Variants in AHNAK2 observed in about 807,000 individuals in gnomAD.
AHNAK2 encodes protein AHNAK2.
In AHNAK2, 18 loss-of-function variants were observed where a neutral mutation model predicts 30.7. The observed-to-expected ratio is 0.59, with a 90% CI of 0.41 to 0.87. The LOEUF (loss-of-function observed/expected upper bound fraction) is 0.87. AHNAK2 is among the 40% of genes least tolerant of loss of function. The pLI, the probability that AHNAK2 is intolerant of heterozygous loss-of-function variation, is 0.00. For synonymous variants in AHNAK2, 3,590 were observed against 3,073.8 expected, an observed-to-expected ratio of 1.17 and a Z score of -5.56; for missense variants, 8,604 against 7,373.0, an observed-to-expected ratio of 1.17 and a Z score of -6.11.
Position 104,942,916 on chromosome 14 carries a change from T to G in AHNAK2, c.12535A>C (p.Thr4179Pro). ...LPSMQGDLKT[T>P]DLSIQSPSAD... ...GAAGGGGACTGAATGCTGAGGTCAG[T>G]GGTCTTGAGGTCCCCCTGCATGGAG... Residue 4179 changes from threonine (T) to proline (P), a missense_variant, in exon 7 of 7, where the codon ACT becomes CCT. By Grantham distance (38) the Thr-to-Pro change is conservative (BLOSUM62 -1). Coordinates refer to ENST00000333244, the MANE Select transcript of AHNAK2 (RefSeq NM_138420.4). The G allele has an allele frequency of 6.2e-7, 1 of 1,612,928 alleles. No homozygotes were observed. The highest frequency in any genetic ancestry group is 8.5e-7 in the Non-Finnish European group (1 of 1,179,514).
rs199591478 is a variant in AHNAK2 at position 104,944,800 on chromosome 14, C to T, written c.10651G>A (p.Gly3551Ser). The T allele has an allele frequency of 1.3e-5, 21 of 1,612,738 alleles. No homozygotes were observed. The highest frequency in any genetic ancestry group is 1.2e-4 in the Admixed American group (7 of 59,918). ...LLEGPVPEGA[G>S]LKGHLPKVEM... ...ACTTTGGGCAGGTGCCCTTTGAGGCCGGCTCCCTCGGGCACGGGGCCCTCC... is the reference window on the plus strand; with the variant it reads ...ACTTTGGGCAGGTGCCCTTTGAGGCTGGCTCCCTCGGGCACGGGGCCCTCC... The change falls in exon 7 of 7, where the codon GGC becomes AGC. Residue 3551 changes from glycine to serine, a missense_variant. Transcript: ENST00000333244.
At position 104,943,967 on chromosome 14, in the gene AHNAK2, C is replaced by T. The variant is rs1398520923; in HGVS notation, c.11484G>A (p.Val3828=). The change falls in exon 7 of 7, where the codon GTG becomes GTA. Residue 3828 remains valine, a synonymous_variant. Transcript: ENST00000333244. The part of the protein sequence containing the change: ...PGKSIEASVH[V]SAPKVEADVS... Reference sequence around the variant, plus strand: ...CATCGGCCTCCACCTTGGGTGCAGACACGTGCACCGAGGCCTCAATGGACT... The same window carrying T: ...CATCGGCCTCCACCTTGGGTGCAGATACGTGCACCGAGGCCTCAATGGACT... 15 of 1,612,820 alleles carry T rather than the reference C, an allele frequency of 9.3e-6. No individual in the cohort carries two copies. The highest frequency in any genetic ancestry group is 1.3e-5 in the African/African-American group (1 of 74,732).
In AHNAK2 at chr14:104,950,510, G is replaced by A. The variant is rs370540872; in HGVS notation, c.4941C>T (p.Ala1647=). ...GAQLEGDLSL[A]DKAVTAKDSK... is the part of the protein sequence containing the mutation. The stretch of plus-strand genomic sequence containing the variant: ...TGTCTTTGGCAGTCACCGCCTTGTC[G>A]GCCAGGGACAGGTCCCCCTCCAGCT... Residue 1647 remains alanine, a synonymous_variant, in exon 7 of 7, where the codon GCC becomes GCT. Coordinates refer to ENST00000333244, the MANE Select transcript of AHNAK2 (RefSeq NM_138420.4). The A allele has an allele frequency of 5.2e-5, 82 of 1,586,680 alleles. 8 individuals carry two copies. Among genetic ancestry groups the A allele is most frequent in the Admixed American group, 4.2e-4 (24 of 57,430 alleles).
rs540591657 is a variant in AHNAK2 at position 104,951,881 on chromosome 14, T to G, written c.3570A>C (p.Ala1190=). Residue 1190 remains alanine, a synonymous_variant, in exon 7 of 7, where the codon GCA becomes GCC. Coordinates refer to ENST00000333244, the MANE Select transcript of AHNAK2 (RefSeq NM_138420.4). The part of the protein sequence containing the change: ...KSIEASVDVS[A]PKVEADVSLP... Reference sequence around the variant, plus strand: ...GACTCACGTCGGCCTCCACTTTGGGTGCAGACACATCCACCGAGGCCTCGA... The same window carrying G: ...GACTCACGTCGGCCTCCACTTTGGGGGCAGACACATCCACCGAGGCCTCGA... 3.1e-6 allele frequency: 5 copies of G among 1,607,076 alleles called. No individual in the cohort carries two copies. Among genetic ancestry groups the G allele is most frequent in the Non-Finnish European group, 3.4e-6 (4 of 1,177,666 alleles).
chr14:104,956,293 G>A (rs1363333117), intron 4 of AHNAK2, among the ~76,000 whole-genome samples: 1 of 152,118 alleles, frequency 6.6e-6, no homozygotes, highest in Non-Finnish European at 1.5e-5. Flanking sequence ...CTGCCCCATT[G>A]CACGGAGGAG....
At chr14:104,955,334 G>A (rs1324655889) in intron 5 of AHNAK2, 149 bp downstream of exon 5, 15 of 1,325,678 alleles carry the variant, frequency 1.1e-5, no homozygotes, top group Non-Finnish European at 1.5e-5. Context: ...TAGATGCAGT[G>A]GGTGATCCCA....
intron 1 of AHNAK2, chr14:104,970,317 G>A (rs984883496): frequency 2.4e-5 from 16 of 656,712 alleles, no homozygotes; most frequent in Admixed American, 1.9e-4. Context: ...ACCCCTGCCC[G>A]TCTGTCAGCT....
Position 104,946,855 on chromosome 14 carries a change from G to T in AHNAK2, c.8596C>A (p.Pro2866Thr). ...LKTTDIRIQPPSAQLEVQAGQ... is the reference protein window; with the variant it reads ...LKTTDIRIQPTSAQLEVQAGQ... ...GCCTGGACCTCCAGTTGGGCGGAGG[G>T]GGGCTGAATGCGGATGTCAGTGGTC... Residue 2866 changes from proline to threonine, a missense_variant, in exon 7 of 7, where the codon CCC (proline) becomes ACC (threonine). Coordinates refer to ENST00000333244, the MANE Select transcript of AHNAK2 (RefSeq NM_138420.4). 2 of 1,612,652 alleles carry T rather than the reference G, an allele frequency of 1.2e-6. No homozygotes were observed. Among genetic ancestry groups the T allele is most frequent in the Non-Finnish European group, 1.7e-6 (2 of 1,179,716 alleles).
rs201010137 is a variant in AHNAK2 at position 104,949,991 on chromosome 14, G to A, written c.5460C>T (p.Asp1820=). ...TGAACTTGGGCATTTTGAACTTGCT[G>A]TCTTTGGCAGTCACATCCTTGTCGG... ...SLADKDVTAK[D]SKFKMPKFKM... The change falls in exon 7 of 7, where the codon GAC becomes GAT. Residue 1820 remains aspartate, a synonymous_variant. Coordinates refer to ENST00000333244, the MANE Select transcript of AHNAK2 (RefSeq NM_138420.4). 2.1e-4 allele frequency: 326 copies of A among 1,587,758 alleles called. 5 individuals carry two copies. In the African/African-American group the frequency reaches 3.6e-3, roughly 18 times the overall value.
In AHNAK2 at chr14:104,941,584, C is replaced by T. The variant is rs1292746521; in HGVS notation, c.13867G>A (p.Gly4623Arg). 1.9e-6 allele frequency: 3 copies of T among 1,613,310 alleles called. No individual in the cohort carries two copies. Among genetic ancestry groups the T allele is most frequent in the South Asian group, 2.2e-5 (2 of 91,086 alleles). The part of the protein sequence containing the change: ...DLSLAHEDVA[G>R]KDSKFQGPKL... Reference sequence around the variant, plus strand: ...GGTCCTTGAAACTTACTGTCTTTCCCAGCTACATCCTCGTGGGCCAGGGAC... The same window carrying T: ...GGTCCTTGAAACTTACTGTCTTTCCTAGCTACATCCTCGTGGGCCAGGGAC... The change falls in exon 7 of 7, where the codon GGG (glycine) becomes AGG (arginine). Residue 4623 changes from glycine (G) to arginine (R), a missense_variant. Coordinates refer to ENST00000333244, the MANE Select transcript of AHNAK2 (RefSeq NM_138420.4).
At chr14:104,968,995 C>T (rs1212133528) in intron 1 of AHNAK2, among the ~76,000 whole-genome samples, 1 of 152,212 alleles carries the variant, frequency 6.6e-6, no homozygotes, top group Non-Finnish European at 1.5e-5. Context: ...GGGCCTCACC[C>T]AGTCGTGGAA....
At position 104,950,266 on chromosome 14, in the gene AHNAK2, C is replaced by T. The variant is rs757613916; in HGVS notation, c.5185G>A (p.Gly1729Ser). The change falls in exon 7 of 7, where the codon GGC (glycine) becomes AGC (serine). Residue 1729 changes from glycine (G) to serine (S), a missense_variant. Coordinates refer to ENST00000333244, the MANE Select transcript of AHNAK2 (RefSeq NM_138420.4). Reference protein sequence around the residue: ...AGQVNVKLPEGPLPEGAGFKG... With the variant: ...AGQVNVKLPESPLPEGAGFKG... ...AAGCCGGCTCCCTCGGGAAGGGGGC[C>T]CTCCGGGAGTTTCACGTTCACTTGG... is the stretch of plus-strand genomic sequence containing the variant. 101 of 1,584,948 alleles carry T rather than the reference C, an allele frequency of 6.4e-5. 8 individuals are homozygous for T. Among genetic ancestry groups the T allele is most frequent in the Admixed American group, 2.4e-4 (14 of 57,248 alleles).
chr14:104,940,229 A>T lies in AHNAK2; in HGVS notation c.15222T>A (p.Gly5074=). 6.2e-7 allele frequency: 1 copy of T among 1,613,470 alleles called. No homozygotes were observed. The highest frequency in any genetic ancestry group is 8.5e-7 in the Non-Finnish European group (1 of 1,179,864). The stretch of plus-strand genomic sequence containing the variant: ...CACTTCCTGTGGCACTTGCTGTTGC[A>T]CCAAGTCCTCCCCTACCACCGTCAC... ...ASSDGGRGGL[G]ATASATGSEG... is the part of the protein sequence containing the mutation. The change falls in exon 7 of 7, where the codon GGT becomes GGA. Residue 5074 remains glycine (G), a synonymous_variant. Transcript: ENST00000333244. This position sits in a 1 kb window ranked among gnomAD's most constrained non-coding sequence, Gnocchi z 4.4.
Position 104,944,826 on chromosome 14 carries a change from A to G in AHNAK2, c.10625T>C (p.Leu3542Pro), listed in dbSNP as rs200217659. Reference protein sequence around the residue: ...VQAVQVDVELLEGPVPEGAGL... With the variant: ...VQAVQVDVELPEGPVPEGAGL... ...GGCTCCCTCGGGCACGGGGCCCTCC[A>G]GGAGTTCCACATCCACTTGGACAGC... Residue 3542 changes from leucine (L) to proline (P), a missense_variant, in exon 7 of 7, where the codon CTG becomes CCG. Leu to Pro is a moderately conservative substitution (Grantham distance 98). Transcript: ENST00000333244. The G allele has an allele frequency of 2.9e-4, 471 of 1,610,808 alleles. 7 individuals carry two copies. Among genetic ancestry groups the G allele is most frequent in the East Asian group, 2.8e-3 (126 of 44,558 alleles).
rs1047858612 is a variant in AHNAK2 at position 104,976,595 on chromosome 14, A to C, written c.55+1588T>G. On this transcript the variant is annotated intron_variant, in intron 1 of 6. Transcript: ENST00000333244. ...TCTGATCTTGCAAGTCTCCTACCAA[A>C]GCTCCAGCGAGAGCCACTGACCTTA... 2.0e-5 allele frequency among the ~76,000 whole-genome samples: 3 copies of C among 152,244 alleles called. 1 individual carries two copies. In the East Asian group the frequency reaches 5.8e-4, roughly 29 times the overall value.
In AHNAK2 at chr14:104,950,286, A is replaced by T. The variant is rs752913697; in HGVS notation, c.5165T>A (p.Val1722Glu). 1.7e-4 allele frequency: 270 copies of T among 1,584,616 alleles called. 35 individuals carry two copies. In the South Asian group the frequency reaches 2.4e-3, roughly 14 times the overall value. Residue 1722 changes from valine to glutamate, a missense_variant, in exon 7 of 7, where the codon GTG becomes GAG. Physicochemically the swap from Val to Glu is moderately radical, Grantham distance 121. Coordinates refer to ENST00000333244, the MANE Select transcript of AHNAK2 (RefSeq NM_138420.4). ...SADLEVQAGQ[V>E]NVKLPEGPLP... is the part of the protein sequence containing the mutation. ...GGGGCCCTCCGGGAGTTTCACGTTC[A>T]CTTGGCCAGCCTGGACCTCCAGGTC...
chr14:104,954,135 C>CCA lies in AHNAK2; in HGVS notation c.1315_1316insTG (p.Arg439MetfsTer9), dbSNP rs1167058895. On this transcript the variant is annotated frameshift_variant, in exon 7 of 7. Transcript: ENST00000333244. LOFTEE classifies it low-confidence loss of function (END_TRUNC). This position sits in a 1 kb window ranked among gnomAD's most constrained non-coding sequence, Gnocchi z 4.3. ...GCTCATTCCAGGAGTTGGCTGGGCCCTGGGCTTCCTCTGGGCCACTGCTGT... is the reference window on the plus strand; with the variant it reads ...GCTCATTCCAGGAGTTGGCTGGGCCCCATGGGCTTCCTCTGGGCCACTGCTGT... 6.2e-7 allele frequency: 1 copy of CCA among 1,611,224 alleles called. No individual in the cohort carries two copies. Among genetic ancestry groups the CCA allele is most frequent in the African/African-American group, 1.3e-5 (1 of 74,908 alleles).
chr14:104,939,589 T>G lies in AHNAK2; in HGVS notation c.15862A>C (p.Thr5288Pro), dbSNP rs745830734. ...LKLHLSTAGM[T>P]GDELSTSEVR... ...TCAGAAGTGGAAAGCTCATCCCCAG[T>G]CATCCCAGCAGTGGAGAGGTGCAGC... The change falls in exon 7 of 7, where the codon ACT becomes CCT. Residue 5288 changes from threonine (T) to proline (P), a missense_variant. By Grantham distance (38) the Thr-to-Pro change is conservative. Transcript: ENST00000333244. 6.2e-7 allele frequency: 1 copy of G among 1,613,798 alleles called. No homozygotes were observed. The highest frequency in any genetic ancestry group is 8.5e-7 in the Non-Finnish European group (1 of 1,179,848).
rs779977993 is a variant in AHNAK2 at position 104,945,673 on chromosome 14, T to A, written c.9778A>T (p.Met3260Leu). Residue 3260 changes from methionine to leucine, a missense_variant, in exon 7 of 7, where the codon ATG becomes TTG. Physicochemically the swap from Met to Leu is conservative, Grantham distance 15 (BLOSUM62 2). Coordinates refer to ENST00000333244, the MANE Select transcript of AHNAK2 (RefSeq NM_138420.4). ...TCCACGTCGGGGGCCGTCACATCCATCTTCGGGCCTTTCAGGTCCAGCTTG... is the reference window on the plus strand; with the variant it reads ...TCCACGTCGGGGGCCGTCACATCCAACTTCGGGCCTTTCAGGTCCAGCTTG... ...GPKLDLKGPK[M>L]DVTAPDVEVS... The A allele has an allele frequency of 2.5e-6, 4 of 1,588,650 alleles. No homozygotes were observed. Among genetic ancestry groups the A allele is most frequent in the Admixed American group, 1.7e-5 (1 of 58,226 alleles).
Sources: allele counts gnomAD v4.1 joint callset (sites outside exome capture counted in the v4.1 genomes callset), GRCh38; gene constraint gnomAD v4.1.1; non-coding constraint Gnocchi (gnomAD v3.1); transcripts MANE v1.5; gene names NCBI Gene and HGNC (gene_info 2026-07-23, HGNC 2026-07-21).